DAPK2: variants seen among roughly 807,000 people sequenced by gnomAD.
DAPK2 encodes the protein death associated protein kinase 2.
DAPK2 carries 35 observed loss-of-function variants against 44.1 expected under a neutral mutation model. That is an observed-to-expected ratio of 0.79 (90% CI 0.61 to 1.05). The LOEUF (loss-of-function observed/expected upper bound fraction) is 1.05. Among genes scored for constraint, DAPK2 ranks in the 50% least tolerant of loss-of-function variants. The pLI is 0.00. For missense variants in DAPK2, 453 were observed against 483.2 expected (o/e 0.94, Z 0.59); for synonymous variants, 174 against 182.6 (o/e 0.95, Z 0.38).
At chr15:63,921,792 G>C (rs2079079399) in intron 8 of DAPK2, 1 of 152,206 alleles carries the variant, frequency 6.6e-6, no homozygotes, top group Middle Eastern at 3.1e-3. Context: ...GAGGAGAAAG[G>C]GTGGAGAATG....
At chr15:63,973,094 G>A (rs1191612710) in intron 2 of DAPK2, among the ~76,000 whole-genome samples, 2 of 152,220 alleles carry the variant, frequency 1.3e-5, no homozygotes, top group Non-Finnish European at 2.9e-5. Context: ...CAAAGGAGGG[G>A]CCTCCACTGC....
chr15:64,027,452 CAA>C (rs2141120443), intron 1 of DAPK2, among the ~76,000 whole-genome samples: 1 of 151,900 alleles, frequency 6.6e-6, no homozygotes, highest in African/African-American at 2.4e-5. Flanking sequence ...AGTCCCAGCT[CAA>C]GAGGCTGAGG....
chr15:63,914,652 C>T (rs528323938), intron 8 of DAPK2, among the ~76,000 whole-genome samples: 2 of 152,290 alleles, frequency 1.3e-5, no homozygotes, highest in African/African-American at 2.4e-5. Context: ...ACCCTCAAGG[C>T]CTGTACCCTC....
intron 1 of DAPK2, among the ~76,000 whole-genome samples, chr15:64,030,333 A>G (rs1273196716): frequency 6.6e-6 from 1 of 152,038 alleles, no homozygotes. Context: ...TGTTGACAAG[A>G]TCAAAGATGA....
In DAPK2 at chr15:63,942,326, G is replaced by C. The variant is rs369670577; in HGVS notation, c.454-2965C>G. 5.4e-5 allele frequency: 45 copies of C among 839,634 alleles called. 1 individual carries two copies. The South Asian group carries it at 2.4e-3, about 45-fold the overall frequency. 52.0% of individuals were successfully genotyped at this position (839,634 alleles called of 1,614,324 possible). Reference sequence around the variant, plus strand: ...AGCACTTTGGGAGGCCAAGGCAGGGGGTATCACCTGAGGTCAGGCGTTCGA... The same window carrying C: ...AGCACTTTGGGAGGCCAAGGCAGGGCGTATCACCTGAGGTCAGGCGTTCGA... On this transcript the variant is annotated intron_variant, in intron 3 of 10. Coordinates refer to ENST00000261891, the Ensembl canonical transcript of DAPK2.
At chr15:63,991,527 C>T (rs1018132061) in intron 1 of DAPK2, among the ~76,000 whole-genome samples, 3 of 152,146 alleles carry the variant, frequency 2.0e-5, no homozygotes, top group South Asian at 2.1e-4. Flanking sequence ...AATCTTTCAC[C>T]GAAGTCCAAT....
chr15:63,908,751 A>G lies in DAPK2; in HGVS notation c.1033-151T>C, dbSNP rs536300992. 3.1e-4 allele frequency: 163 copies of G among 527,426 alleles called. No individual in the cohort carries two copies. The highest frequency in any genetic ancestry group is 3.0e-3 in the African/African-American group (152 of 50,556). 32.7% of individuals were successfully genotyped at this position (527,426 alleles called of 1,614,324 possible). On this transcript the variant is annotated intron_variant, in intron 10 of 10. Transcript: ENST00000261891. This position sits in a 1 kb window ranked among gnomAD's most constrained non-coding sequence, Gnocchi z 5.7. Reference sequence around the variant, plus strand: ...TGAAAGCAAGCCTGCTGATCCATCCAGGGGCTGGGGGATGGGAGGGATCTG... The same window carrying G: ...TGAAAGCAAGCCTGCTGATCCATCCGGGGGCTGGGGGATGGGAGGGATCTG...
chr15:64,045,950 T>C lies in DAPK2; in HGVS notation c.-7+348A>G, dbSNP rs922798402. On this transcript the variant is annotated intron_variant, in intron 1 of 11. Coordinates refer to the DAPK2 transcript ENST00000457488. ...AGAGTCAGCCCAAGCTGAGAAGACT[T>C]GGCCGGGAGCCGGGCGTGCTCTGCC... Among the ~76,000 whole-genome samples, 3 of 152,224 alleles carry C rather than the reference T, an allele frequency of 2.0e-5. No homozygotes were observed. The South Asian group carries it at 6.2e-4, about 31-fold the overall frequency.
chr15:63,983,637 C>A (rs754998016), exon 2 of DAPK2: 2 of 1,614,168 alleles, frequency 1.2e-6, no homozygotes, highest in East Asian at 2.2e-5. Context: ...CCCGCTCGAT[C>A]TCCTCCCGGC....
chr15:63,947,577 C>T (rs1026219018), intron 3 of DAPK2, among the ~76,000 whole-genome samples: 15 of 152,194 alleles, frequency 9.9e-5, no homozygotes, highest in African/African-American at 3.6e-4. Flanking sequence ...TGACACTGGG[C>T]AAGTTATTGA....
chr15:64,009,256 C>T (rs1360432629), intron 1 of DAPK2, among the ~76,000 whole-genome samples: 1 of 152,090 alleles, frequency 6.6e-6, no homozygotes, highest in Non-Finnish European at 1.5e-5. Context: ...TCATTACCTG[C>T]CATCCTCCTG....
intron 3 of DAPK2, among the ~76,000 whole-genome samples, chr15:63,940,715 TAATAAATA>T (rs569302011): frequency 3.3e-5 from 5 of 151,410 alleles, no homozygotes; most frequent in Non-Finnish European, 7.4e-5. Context: ...CTGTCTCAAT[TAATAAATA>T]AATAAATAAA....
At chr15:63,949,601 A>G (rs1201898670) in intron 3 of DAPK2, among the ~76,000 whole-genome samples, 2 of 152,166 alleles carry the variant, frequency 1.3e-5, no homozygotes, top group East Asian at 1.9e-4. Flanking sequence ...CTAATTGCCT[A>G]TCGGAATTCC....
At chr15:63,925,677 C>G (rs951010215) in intron 7 of DAPK2, among the ~76,000 whole-genome samples, 1 of 121,888 alleles carries the variant, frequency 8.2e-6, no homozygotes, top group Non-Finnish European at 1.7e-5. Flanking sequence ...TGACTTGTAG[C>G]GCACACACAC....
At chr15:63,915,601 C>T (rs369767498) in intron 8 of DAPK2, among the ~76,000 whole-genome samples, 2 of 152,276 alleles carry the variant, frequency 1.3e-5, no homozygotes, top group South Asian at 2.1e-4. Flanking sequence ...TAATGAGAAT[C>T]CCACCCTCCT....
chr15:64,004,721 C>T lies in DAPK2; in HGVS notation c.93-20967G>A, dbSNP rs576721234. Among the ~76,000 whole-genome samples the T allele has an allele frequency of 2.6e-5, 4 of 152,242 alleles. No homozygotes were observed. The South Asian group carries it at 8.3e-4, about 32-fold the overall frequency. ...GCCCCTTGGTTTGGCAGCGGGCTTTCGCACAGGCTCCAGGGCACACATACA... is the reference window on the plus strand; with the variant it reads ...GCCCCTTGGTTTGGCAGCGGGCTTTTGCACAGGCTCCAGGGCACACATACA... On this transcript the variant is annotated intron_variant, in intron 1 of 10. Transcript: ENST00000261891.
intron 3 of DAPK2, among the ~76,000 whole-genome samples, chr15:63,953,780 T>C (rs2077652422): frequency 6.6e-6 from 1 of 152,236 alleles, no homozygotes. Flanking sequence ...GTTACCAGCA[T>C]GTTACTGACT....
intron 1 of DAPK2, among the ~76,000 whole-genome samples, chr15:63,988,713 C>T (rs1191072312): frequency 6.6e-6 from 1 of 151,658 alleles, no homozygotes. Context: ...ACCATGTTGG[C>T]CAGGCTGGTC....
chr15:64,000,104 A>G (rs2079043837), intron 1 of DAPK2, among the ~76,000 whole-genome samples: 1 of 152,058 alleles, frequency 6.6e-6, no homozygotes, highest in African/African-American at 2.4e-5. Flanking sequence ...TGTTTAATGT[A>G]CAGAATAGAT....
Sources: allele counts gnomAD v4.1 joint callset (sites outside exome capture counted in the v4.1 genomes callset), GRCh38; gene constraint gnomAD v4.1.1; non-coding constraint Gnocchi (gnomAD v3.1); transcripts MANE v1.5; gene names NCBI Gene and HGNC (gene_info 2026-07-23, HGNC 2026-07-21).